Variants in GRM7 observed in about 807,000 individuals in gnomAD.
GRM7 encodes the protein glutamate metabotropic receptor 7, also known as metabotropic glutamate receptor 7.
Under a neutral mutation model 84.5 loss-of-function variants are expected in GRM7, and 35 were observed. The observed-to-expected ratio is 0.41, with a 90% CI of 0.32 to 0.55. GRM7 has a LOEUF of 0.55. Ranked by LOEUF, GRM7 falls within the 20% of genes least tolerant of loss-of-function variation. The pLI is 0.19. For synonymous variants in GRM7, 487 were observed against 455.1 expected (o/e 1.07, Z -0.89); for missense variants, 1,003 against 1,194.6 (o/e 0.84, Z 2.36).
chr3:7,657,967 G>A (rs756391083), intron 8 of GRM7, among the ~76,000 whole-genome samples: 1 of 152,038 alleles, frequency 6.6e-6, no homozygotes, highest in Non-Finnish European at 1.5e-5. Flanking sequence ...TCTGCTCCTG[G>A]GTATGAGTCT....
intron 4 of GRM7, among the ~76,000 whole-genome samples, chr3:7,388,116 T>C (rs1694856099): frequency 2.6e-5 from 4 of 152,268 alleles, no homozygotes; most frequent in Admixed American, 2.0e-4. Flanking sequence ...ATAGAAATTC[T>C]ACTACTTTTT....
intron 9 of GRM7, among the ~76,000 whole-genome samples, chr3:7,691,891 C>A (rs1700814362): frequency 1.3e-5 from 2 of 152,122 alleles, no homozygotes; most frequent in African/African-American, 4.8e-5. Context: ...GAACTCCTGA[C>A]CTCATGATCC....
chr3:7,356,560 C>T (rs1470741395), intron 4 of GRM7, among the ~76,000 whole-genome samples: 1 of 152,080 alleles, frequency 6.6e-6, no homozygotes, highest in African/African-American at 2.4e-5. Flanking sequence ...ACTTCAGCCT[C>T]CCAAAGTGCT....
In GRM7 at chr3:7,285,293, T is replaced by A. The variant is rs183000267; in HGVS notation, c.737-13391T>A. On this transcript the variant is annotated intron_variant, in intron 2 of 9. Coordinates refer to ENST00000357716, the MANE Select transcript of GRM7 (RefSeq NM_000844.4). ...TAGAATTATTATTATATGATTAAGA[T>A]AAAAGGCAGATGGCTTTTAGTTATT... is the stretch of plus-strand genomic sequence containing the variant. Among the ~76,000 whole-genome samples, 1,492 of 152,330 alleles carry A rather than the reference T, an allele frequency of 9.8e-3. 12 individuals carry two copies. Among genetic ancestry groups the A allele is most frequent in the African/African-American group, 0.034 (1,419 of 41,566 alleles).
chr3:7,008,686 T>G (rs1285813917), intron 1 of GRM7, among the ~76,000 whole-genome samples: 1 of 152,224 alleles, frequency 6.6e-6, no homozygotes, highest in African/African-American at 2.4e-5. Context: ...CCAAATGAAG[T>G]ACTAGTTGTT....
intron 8 of GRM7, chr3:7,591,518 T>G (rs1695780926): frequency 2.3e-6 from 1 of 433,798 alleles, no homozygotes; most frequent in Admixed American, 2.7e-5. Context: ...ACCCAGTAGT[T>G]CCATTTCTAG....
chr3:7,134,682 G>C (rs1198109479), intron 1 of GRM7, among the ~76,000 whole-genome samples: 1 of 152,068 alleles, frequency 6.6e-6, no homozygotes. Context: ...CTAAACCGCA[G>C]GAATTCAGGG....
chr3:7,194,821 C>T (rs1200938823), intron 2 of GRM7, among the ~76,000 whole-genome samples: 1 of 152,098 alleles, frequency 6.6e-6, no homozygotes, highest in Non-Finnish European at 1.5e-5. Context: ...GTTTCTGGCA[C>T]AAAATATATA....
Position 7,559,661 on chromosome 3 carries a change from G to A in GRM7, c.1516-18761G>A, listed in dbSNP as rs138253646. ...TATTATTTCTCAACTCTGCGAAGGC[G>A]AATGAACACAAAGAGTTTGATTGTC... On this transcript the variant is annotated intron_variant, in intron 7 of 9. Transcript: ENST00000357716. 1.4e-3 allele frequency among the ~76,000 whole-genome samples: 217 copies of A among 152,192 alleles called. 2 individuals carry two copies. The highest frequency in any genetic ancestry group is 9.9e-3 in the Admixed American group (151 of 15,260).
At chr3:6,936,363 C>T (rs1697694364) in intron 1 of GRM7, among the ~76,000 whole-genome samples, 1 of 152,168 alleles carries the variant, frequency 6.6e-6, no homozygotes, top group Non-Finnish European at 1.5e-5. Context: ...TCCAAAGAGC[C>T]TATTTCTGGA....
intron 4 of GRM7, among the ~76,000 whole-genome samples, chr3:7,316,636 A>T (rs1433887108): frequency 6.6e-6 from 1 of 152,186 alleles, no homozygotes; most frequent in African/African-American, 2.4e-5. Flanking sequence ...ATCAGCTGAG[A>T]TGGAGAATAC....
intron 1 of GRM7, among the ~76,000 whole-genome samples, chr3:6,908,901 C>A (rs1251441248): frequency 6.6e-6 from 1 of 152,070 alleles, no homozygotes; most frequent in Admixed American, 6.6e-5. Flanking sequence ...GGATTTCTGG[C>A]TAGGTAAGTC....
chr3:6,927,463 G>GAGAGAAAGAAAGAAAGAAAGAAAGAT (rs1553595155), intron 1 of GRM7, among the ~76,000 whole-genome samples: 1,327 of 93,282 alleles, frequency 0.014, 18 homozygotes, highest in Non-Finnish European at 0.024. Flanking sequence ...GAAAGAGAGA[G>GAGAGAAAGAAAGAAAGAAAGAAAGAT]AGAAAGAAAG....
rs188622934 is a variant in GRM7, at chr3:7,679,487, T to C, written c.2452-562T>C. On this transcript the variant is annotated intron_variant, in intron 8 of 9. Coordinates refer to ENST00000357716, the MANE Select transcript of GRM7 (RefSeq NM_000844.4). ...TCTTGTTCACTTGTCACTTGTGTTT[T>C]ATAAGACAGAATTAAGCAAGAAGAT... Among the ~76,000 whole-genome samples the C allele has an allele frequency of 2.8e-3, 424 of 152,158 alleles. 7 individuals are homozygous for C. The highest frequency in any genetic ancestry group is 0.02 in the Middle Eastern group (6 of 294).
chr3:7,474,326 C>T (rs1234000795), intron 7 of GRM7, among the ~76,000 whole-genome samples: 7 of 151,998 alleles, frequency 4.6e-5, no homozygotes, highest in Non-Finnish European at 1.0e-4. Context: ...GCTGGAATCC[C>T]CTACCCTATA....
chr3:7,190,425 G>C (rs1020520458), intron 2 of GRM7, among the ~76,000 whole-genome samples: 1 of 152,216 alleles, frequency 6.6e-6, no homozygotes, highest in East Asian at 1.9e-4. Context: ...AAACAGATGT[G>C]TGTTGGTTTT....
chr3:7,237,527 G>A (rs1017866787), intron 2 of GRM7, among the ~76,000 whole-genome samples: 3 of 152,094 alleles, frequency 2.0e-5, no homozygotes, highest in African/African-American at 7.2e-5. Context: ...TAAAGATGGT[G>A]TGTCTGAAGT....
intron 4 of GRM7, among the ~76,000 whole-genome samples, chr3:7,311,161 G>T (rs1187323110): frequency 1.3e-5 from 2 of 152,178 alleles, no homozygotes; most frequent in African/African-American, 4.8e-5. Context: ...AAAAAAGATA[G>T]ATTCAAATAT....
chr3:7,188,556 G>A lies in GRM7; in HGVS notation c.736+41888G>A, dbSNP rs186318471. Among the ~76,000 whole-genome samples, 1 of 152,168 alleles carries A rather than the reference G, an allele frequency of 6.6e-6. No individual in the cohort carries two copies. The highest frequency in any genetic ancestry group is 1.5e-5 in the Non-Finnish European group (1 of 67,994). On this transcript the variant is annotated intron_variant, in intron 2 of 9. Transcript: ENST00000357716. The surrounding 1 kb of genome is among the most constrained non-coding windows in gnomAD (Gnocchi z 4.2). Reference sequence around the variant, plus strand: ...TATCTAGAAATTTACAAAAAATGTTGCCTGATCCCTGCAGGTGAAAGATGT... The same window carrying A: ...TATCTAGAAATTTACAAAAAATGTTACCTGATCCCTGCAGGTGAAAGATGT...
Sources: gnomAD v4.1 joint callset for allele counts (sites outside exome capture counted in the v4.1 genomes callset) on GRCh38, gnomAD v4.1.1 for gene constraint, Gnocchi (gnomAD v3.1) non-coding constraint, MANE v1.5 for transcripts, NCBI Gene and HGNC (gene_info 2026-07-23, HGNC 2026-07-21) for gene names.